MTA3: variants seen among roughly 807,000 people sequenced by gnomAD.
The protein encoded by MTA3 is metastasis associated 1 family member 3, also known as metastasis-associated protein MTA3.
MTA3 carries 34 observed loss-of-function variants against 83.5 expected under a neutral mutation model. That is an observed-to-expected ratio of 0.41 (90% CI 0.31 to 0.54). MTA3 has a LOEUF of 0.54. Ranked by LOEUF, MTA3 falls within the 20% of genes least tolerant of loss-of-function variation. The pLI is 0.33. For missense variants in MTA3, 761 were observed against 726.4 expected (o/e 1.05, Z -0.55); for synonymous variants, 303 against 252.7 (o/e 1.20, Z -1.89).
chr2:42,565,349 CTTTTTT>C (rs773703863), upstream of MTA3, among the ~76,000 whole-genome samples: 1 of 133,982 alleles, frequency 7.5e-6, no homozygotes. Flanking sequence ...AACTGGCTAA[CTTTTTT>C]TTTTTTTTTT....
intron 16 of MTA3, 72 bp from the exon 17 acceptor site, chr2:42,753,302 C>G (rs1371851642): frequency 1.9e-6 from 3 of 1,547,654 alleles, no homozygotes; most frequent in Non-Finnish European, 2.6e-6. Context: ...AGGGGTGAGT[C>G]CATCCTCCCT....
At chr2:42,678,214 C>G (rs1691556072) in intron 8 of MTA3, among the ~76,000 whole-genome samples, 1 of 151,948 alleles carries the variant, frequency 6.6e-6, no homozygotes, top group South Asian at 2.1e-4. Context: ...GTCATTGTTC[C>G]ATGGTTGTGA....
At position 42,753,554 on chromosome 2, in the gene MTA3, T is replaced by C. The variant is rs1158326470; in HGVS notation, c.*155T>C. The C allele has an allele frequency of 2.7e-6, 4 of 1,461,170 alleles. No homozygotes were observed. Among genetic ancestry groups the C allele is most frequent in the African/African-American group, 1.4e-5 (1 of 70,722 alleles). 90.5% of individuals were successfully genotyped at this position (1,461,170 alleles called of 1,614,324 possible). On this transcript the variant is annotated 3_prime_UTR_variant, in exon 17 of 17. Transcript: ENST00000405094. ...AGACGCAATGGGGCGGGGAAGGAACTGTGGGAGTGCACGTTCCAAATCCTG... is the reference window on the plus strand; with the variant it reads ...AGACGCAATGGGGCGGGGAAGGAACCGTGGGAGTGCACGTTCCAAATCCTG...
chr2:42,662,166 C>CT (rs1429225747), intron 8 of MTA3, among the ~76,000 whole-genome samples: 1 of 152,020 alleles, frequency 6.6e-6, no homozygotes, highest in Non-Finnish European at 1.5e-5. Flanking sequence ...GTATATAATA[C>CT]TACACAACAT....
At chr2:42,613,339 C>T (rs1421728633) in intron 4 of MTA3, among the ~76,000 whole-genome samples, 7 of 151,834 alleles carry the variant, frequency 4.6e-5, no homozygotes, top group Non-Finnish European at 7.4e-5. Flanking sequence ...TTGTTTTTTT[C>T]CAAATTGAGG....
At chr2:42,727,547 A>G (rs1438496427) in intron 16 of MTA3, among the ~76,000 whole-genome samples, 2 of 152,170 alleles carry the variant, frequency 1.3e-5, no homozygotes, top group African/African-American at 4.8e-5. Context: ...AAACATTTCC[A>G]TGTCAGAAAG....
chr2:42,553,410 C>T (rs1227677274), intron 2 of MTA3, among the ~76,000 whole-genome samples: 4 of 115,606 alleles, frequency 3.5e-5, no homozygotes, highest in South Asian at 6.1e-4. Flanking sequence ...GGCGAGAGAG[C>T]GAGACTCCAT....
intron 9 of MTA3, among the ~76,000 whole-genome samples, chr2:42,689,880 T>C (rs1422924171): frequency 3.9e-5 from 6 of 152,072 alleles, no homozygotes; most frequent in Middle Eastern, 3.4e-3. Flanking sequence ...TTGACTTTGC[T>C]CTATTTTCTG....
chr2:42,621,565 A>G (rs895210740), intron 4 of MTA3, among the ~76,000 whole-genome samples: 4 of 152,192 alleles, frequency 2.6e-5, no homozygotes, highest in South Asian at 2.1e-4. Context: ...TGACTTCTCT[A>G]TCTTTTCCCC....
At chr2:42,541,779 G>T (rs1676525457) in intron 2 of MTA3, among the ~76,000 whole-genome samples, 1 of 152,194 alleles carries the variant, frequency 6.6e-6, no homozygotes, top group African/African-American at 2.4e-5. Context: ...CTAAGGATAT[G>T]CTCCAGCCTC....
chr2:42,622,182 C>T (rs1371366080), intron 4 of MTA3, among the ~76,000 whole-genome samples: 12 of 152,324 alleles, frequency 7.9e-5, no homozygotes, highest in Admixed American at 7.2e-4. Flanking sequence ...GCTGGCAGAT[C>T]ACTCGCGGTT....
intron 1 of MTA3, among the ~76,000 whole-genome samples, chr2:42,570,062 T>G (rs1252753044): frequency 6.6e-6 from 1 of 152,094 alleles, no homozygotes; most frequent in African/African-American, 2.4e-5. Context: ...AGAAGCAGCC[T>G]GCAGGGCAAA....
chr2:42,649,802 A>T (rs1467530151), intron 6 of MTA3, among the ~76,000 whole-genome samples: 1 of 152,198 alleles, frequency 6.6e-6, no homozygotes, highest in Non-Finnish European at 1.5e-5. Flanking sequence ...TTGGGGGAAA[A>T]ATTACATTCT....
intron 2 of MTA3, among the ~76,000 whole-genome samples, chr2:42,551,783 A>G (rs1022440647): frequency 6.6e-6 from 1 of 151,866 alleles, no homozygotes; most frequent in African/African-American, 2.4e-5. Context: ...TCTGGAGTGC[A>G]GTGGTGCGAT....
chr2:42,622,277 G>A (rs1685647889), intron 4 of MTA3, among the ~76,000 whole-genome samples: 1 of 152,080 alleles, frequency 6.6e-6, no homozygotes, highest in African/African-American at 2.4e-5. Context: ...TTGGCGGCGC[G>A]CGCCTGCAAT....
At chr2:42,605,715 C>T (rs1325951683) in intron 3 of MTA3, among the ~76,000 whole-genome samples, 265 of 58,608 alleles carry the variant, frequency 4.5e-3, no homozygotes, top group Middle Eastern at 0.014. Context: ...GGCGGGGGGC[C>T]GACCCCCCCA....
chr2:42,640,581 GA>G (rs1421877026), intron 5 of MTA3, among the ~76,000 whole-genome samples: 3 of 152,144 alleles, frequency 2.0e-5, no homozygotes, highest in African/African-American at 7.2e-5. Flanking sequence ...TTTATTTCTT[GA>G]ATAAATGGTT....
intron 3 of MTA3, among the ~76,000 whole-genome samples, chr2:42,581,360 C>CTTTTTT (rs778419810): frequency 2.3e-5 from 2 of 88,262 alleles, no homozygotes; most frequent in Non-Finnish European, 4.5e-5. Context: ...TCCCAAATTG[C>CTTTTTT]TTTTTTTTTT....
chr2:42,600,737 C>T (rs983479493), intron 3 of MTA3, among the ~76,000 whole-genome samples: 7 of 152,112 alleles, frequency 4.6e-5, no homozygotes, highest in East Asian at 1.9e-4. Flanking sequence ...GATGGGGTTT[C>T]GCCATGTTGG....
Sources: gnomAD v4.1 joint callset for allele counts (sites outside exome capture counted in the v4.1 genomes callset) on GRCh38, gnomAD v4.1.1 for gene constraint, MANE v1.5 for transcripts, NCBI Gene and HGNC (gene_info 2026-07-23, HGNC 2026-07-21) for gene names.